The following ELOVL5 variants were observed in gnomAD, a reference collection of about 807,000 sequenced individuals.
ELOVL5 encodes ELOVL fatty acid elongase 5, also known as very long chain fatty acid elongase 5.
Under a neutral mutation model 38.6 loss-of-function variants are expected in ELOVL5, and 8 were observed. The observed-to-expected ratio is 0.21, with a 90% confidence interval of 0.12 to 0.37. ELOVL5 has a LOEUF of 0.37. Among genes scored for constraint, ELOVL5 ranks in the 10% least tolerant of loss-of-function variants. ELOVL5 has a pLI of 1.00. For missense variants in ELOVL5, 280 were observed against 367.8 expected, an observed-to-expected ratio of 0.76 and a Z score of 1.95; for synonymous variants, 127 against 133.7, an observed-to-expected ratio of 0.95 and a Z score of 0.34.
chr6:53,292,894 TGA>T (rs1399795287), intron 2 of ELOVL5, among the ~76,000 whole-genome samples: 1 of 152,190 alleles, frequency 6.6e-6, no homozygotes, highest in Non-Finnish European at 1.5e-5. Flanking sequence ...AGTAGTAGCA[TGA>T]GAGCGAAGAC....
intron 3 of ELOVL5, among the ~76,000 whole-genome samples, chr6:53,278,936 G>A (rs1038905524): frequency 6.6e-6 from 1 of 152,060 alleles, no homozygotes; most frequent in East Asian, 1.9e-4. Context: ...CTTCCACAAC[G>A]TGGTCCCAAG....
intron 1 of ELOVL5, among the ~76,000 whole-genome samples, chr6:53,299,052 G>A (rs1767140970): frequency 6.6e-6 from 1 of 151,962 alleles, no homozygotes; most frequent in Non-Finnish European, 1.5e-5. Context: ...GCCAAAATAG[G>A]GATAAACATA....
At position 53,268,488 on chromosome 6, in the gene ELOVL5, A is replaced by T. The variant is rs895468002; in HGVS notation, c.*639T>A. ...TAAGATCTGTTAAAAAGTTAAACTG[A>T]CTGTTCCACTAGATTTGAGCCTGCT... On this transcript the variant is annotated 3_prime_UTR_variant, in exon 8 of 8. Coordinates refer to ENST00000304434, the MANE Select transcript of ELOVL5 (RefSeq NM_021814.5). 6.6e-6 allele frequency: 1 copy of T among 152,578 alleles called. No individual in the cohort carries two copies. Among genetic ancestry groups the T allele is most frequent in the Non-Finnish European group, 1.5e-5 (1 of 68,032 alleles). The allele number at this position is 152,578 out of a possible 1,614,324, so 9.5% of individuals were successfully genotyped here.
At chr6:53,275,353 A>AGTTGACATCAGATTT in intron 4 of ELOVL5, 92 bp from the exon 5 acceptor site, 1 of 1,376,558 alleles carries the variant, frequency 7.3e-7, no homozygotes, top group Non-Finnish European at 1.0e-6. Flanking sequence ...CAAAAATCTG[A>AGTTGACATCAGATTT]TGTCAACTCG....
chr6:53,284,380 C>A (rs1039878514), intron 3 of ELOVL5, among the ~76,000 whole-genome samples: 2 of 152,026 alleles, frequency 1.3e-5, no homozygotes, highest in East Asian at 3.9e-4. Flanking sequence ...CAGCTAGAAT[C>A]CTCTAAGGTC....
At chr6:53,299,284 A>C (rs1394183952) in intron 1 of ELOVL5, among the ~76,000 whole-genome samples, 1 of 152,242 alleles carries the variant, frequency 6.6e-6, no homozygotes, top group African/African-American at 2.4e-5. Context: ...AAATAAGGGA[A>C]TCAATCATTT....
rs749788621 is a variant in ELOVL5 at position 53,295,654 on chromosome 6, G to C, written c.46C>G (p.Leu16Val). The C allele has an allele frequency of 6.2e-7, 1 of 1,601,970 alleles. No homozygotes were observed. Among genetic ancestry groups the C allele is most frequent in the Non-Finnish European group, 8.5e-7 (1 of 1,176,484 alleles). Residue 16 changes from leucine (L) to valine (V), a missense_variant, in exon 2 of 8, where the codon CTA becomes GTA. Physicochemically the swap from Leu to Val is conservative, Grantham distance 32. Around this residue, in one of 3 missense-constraint regions of ELOVL5, gnomAD observed 150 missense variants for 178.0 expected, o/e 0.84. Coordinates refer to ENST00000304434, the MANE Select transcript of ELOVL5 (RefSeq NM_021814.5). The part of the protein sequence containing the change: ...ASLSTYFKAL[L>V]GPRDTRVKGW... Reference sequence around the variant, plus strand: ...AAAACCACCTTACCTCGAGGGCCTAGCAATGCCTTGAAATAGGTACTAAGT... The same window carrying C: ...AAAACCACCTTACCTCGAGGGCCTACCAATGCCTTGAAATAGGTACTAAGT...
intron 1 of ELOVL5, among the ~76,000 whole-genome samples, chr6:53,316,656 G>A (rs1335974456): frequency 6.6e-6 from 1 of 151,796 alleles, no homozygotes; most frequent in Non-Finnish European, 1.5e-5. Context: ...CAGCAGGAGA[G>A]GGAATGCAGG....
chr6:53,295,986 C>G (rs1483171992), intron 1 of ELOVL5, among the ~76,000 whole-genome samples: 1 of 152,024 alleles, frequency 6.6e-6, no homozygotes, highest in Non-Finnish European at 1.5e-5. Context: ...TTCCGTGAAG[C>G]TGAAATCTCA....
intron 1 of ELOVL5, among the ~76,000 whole-genome samples, chr6:53,300,057 G>C (rs1216084245): frequency 3.9e-5 from 6 of 152,138 alleles, no homozygotes; most frequent in African/African-American, 1.2e-4. Flanking sequence ...TGGACAACAG[G>C]CCCTAATCAG....
chr6:53,313,229 ATACTG>A (rs1246063388), intron 1 of ELOVL5, among the ~76,000 whole-genome samples: 1 of 152,232 alleles, frequency 6.6e-6, no homozygotes, highest in African/African-American at 2.4e-5. Context: ...TCACTTTACA[ATACTG>A]TAGATGAGCA....
At chr6:53,312,353 C>T (rs932082774) in intron 1 of ELOVL5, among the ~76,000 whole-genome samples, 4 of 152,196 alleles carry the variant, frequency 2.6e-5, no homozygotes, top group African/African-American at 9.7e-5. Flanking sequence ...CACCACGGAA[C>T]GTTACTCAGC....
intron 1 of ELOVL5, among the ~76,000 whole-genome samples, chr6:53,338,255 G>A (rs929800775): frequency 1.3e-5 from 2 of 152,146 alleles, no homozygotes; most frequent in African/African-American, 4.8e-5. Context: ...CCTGAACTCT[G>A]TACCAGGGGG....
At chr6:53,291,662 G>T in intron 3 of ELOVL5, 114 bp downstream of exon 3, 1 of 712,452 alleles carries the variant, frequency 1.4e-6, no homozygotes, top group Non-Finnish European at 2.2e-6. Context: ...ATACTTGCTT[G>T]CCCAGTTGTC....
intron 1 of ELOVL5, among the ~76,000 whole-genome samples, chr6:53,320,004 A>C (rs1316152701): frequency 6.6e-6 from 1 of 152,160 alleles, no homozygotes; most frequent in Non-Finnish European, 1.5e-5. Context: ...ATAGAGATGA[A>C]GCTAGATTGA....
At chr6:53,307,097 T>C (rs939448043) in intron 1 of ELOVL5, among the ~76,000 whole-genome samples, 4 of 152,236 alleles carry the variant, frequency 2.6e-5, no homozygotes, top group African/African-American at 9.6e-5. Flanking sequence ...GAAAGGCAGT[T>C]GACTCACTGA....
intron 1 of ELOVL5, among the ~76,000 whole-genome samples, chr6:53,335,817 T>C (rs1693618373): frequency 6.6e-6 from 1 of 152,208 alleles, no homozygotes. Context: ...CAAAGTTATC[T>C]GGAGGCTGTT....
In ELOVL5 at chr6:53,275,238, G is replaced by A; in HGVS notation, c.348C>T (p.Tyr116=). ...DMKIIRVLWW[Y]YFSKLIEFMD... Reference sequence around the variant, plus strand: ...TAAATTCTATGAGTTTGGAGAAGTAGTACCACCAGAGGACACGGATAATCT... The same window carrying A: ...TAAATTCTATGAGTTTGGAGAAGTAATACCACCAGAGGACACGGATAATCT... Residue 116 remains tyrosine (Y), a synonymous_variant, in exon 5 of 8, where the codon TAC becomes TAT. Transcript: ENST00000304434. 1 of 1,614,148 alleles carries A rather than the reference G, an allele frequency of 6.2e-7. No individual in the cohort carries two copies. The highest frequency in any genetic ancestry group is 8.5e-7 in the Non-Finnish European group (1 of 1,180,008).
At chr6:53,294,530 C>A (rs1337449752) in intron 2 of ELOVL5, 1 of 1,530,184 alleles carries the variant, frequency 6.5e-7, no homozygotes, top group Admixed American at 2.0e-5. Flanking sequence ...GAACAAGGAT[C>A]CTTGGTTACA....
Sources: gnomAD v4.1 joint callset for allele counts (sites outside exome capture counted in the v4.1 genomes callset) on GRCh38, gnomAD v4.1.1 for gene constraint, gnomAD v4.1.1 regional missense constraint, MANE v1.5 for transcripts, NCBI Gene and HGNC (gene_info 2026-07-23, HGNC 2026-07-21) for gene names.